PHLDB1: variants seen among roughly 807,000 people sequenced by gnomAD.
PHLDB1 encodes pleckstrin homology-like domain family B member 1.
In PHLDB1, 65 loss-of-function variants were observed where a neutral mutation model predicts 139.3. The observed-to-expected ratio is 0.47, with a 90% CI of 0.38 to 0.57. The LOEUF is 0.57. PHLDB1 is among the 20% of genes least tolerant of loss of function. The probability of loss-of-function intolerance (pLI) is 0.00; values close to 1 mark genes in which losing one functional copy is unlikely to be tolerated. For missense variants in PHLDB1, 1,624 were observed against 1,839.7 expected, an observed-to-expected ratio of 0.88 and a Z score of 2.14; for synonymous variants, 679 against 734.5, an observed-to-expected ratio of 0.92 and a Z score of 1.22.
At position 118,645,690 on chromosome 11, in the gene PHLDB1, C is replaced by T. The variant is rs557245450; in HGVS notation, c.3416+40C>T. On this transcript the variant is annotated intron_variant, in intron 16 of 22. Coordinates refer to ENST00000600882, the MANE Select transcript of PHLDB1 (RefSeq NM_001144758.3). This position sits in a 1 kb window ranked among gnomAD's most constrained non-coding sequence, Gnocchi z 5.1. ...TGGGCCCGCAGCCTCCCTCAGCCACCGCCTCAGCTCCTTGATGCACTTCCT... is the reference window on the plus strand; with the variant it reads ...TGGGCCCGCAGCCTCCCTCAGCCACTGCCTCAGCTCCTTGATGCACTTCCT... 72 of 1,612,044 alleles carry T rather than the reference C, an allele frequency of 4.5e-5. No homozygotes were observed. In the South Asian group the frequency reaches 4.9e-4, roughly 11 times the overall value.
Position 118,639,182 on chromosome 11 carries a change from G to T in PHLDB1, c.2667G>T (p.Val889=), listed in dbSNP as rs782053532. 1 of 1,614,024 alleles carries T rather than the reference G, an allele frequency of 6.2e-7. No homozygotes were observed. Among genetic ancestry groups the T allele is most frequent in the Non-Finnish European group, 8.5e-7 (1 of 1,180,002 alleles). The change falls in exon 12 of 23, where the codon GTG becomes GTT. Residue 889 remains valine, a synonymous_variant. Coordinates refer to ENST00000600882, the MANE Select transcript of PHLDB1 (RefSeq NM_001144758.3). The part of the protein sequence containing the change: ...LLQKEKEKLT[V]LERRYHSLTG... ...CGCAGGAGAAGGAGAAGCTGACTGT[G>T]CTGGAAAGGAGATACCACTCACTCA...
rs188564484 is a variant in PHLDB1, at chr11:118,649,707, C to T, written c.3655-370C>T. 6.6e-5 allele frequency among the ~76,000 whole-genome samples: 10 copies of T among 152,128 alleles called. No homozygotes were observed. The East Asian group carries it at 7.7e-4, about 12-fold the overall frequency. On this transcript the variant is annotated intron_variant, in intron 18 of 22. Transcript: ENST00000600882. Reference sequence around the variant, plus strand: ...GATGTGACCCAAACAAGGTCCCATGCGAAGTCAGAAACTAGATTTCTTATT... The same window carrying T: ...GATGTGACCCAAACAAGGTCCCATGTGAAGTCAGAAACTAGATTTCTTATT...
rs11216929 is a variant in PHLDB1, at chr11:118,608,648, C to A, written c.-22+949C>A. On this transcript the variant is annotated intron_variant, in intron 1 of 22. Transcript: ENST00000600882. This position sits in a 1 kb window ranked among gnomAD's most constrained non-coding sequence, Gnocchi z 6.7. ...TCGGGCGGCGGGCTCACCCCCCAGC[C>A]GTCAAACGCAAACGCAGGCGCCCCA... 3.7e-4 allele frequency among the ~76,000 whole-genome samples: 57 copies of A among 152,272 alleles called. No homozygotes were observed. The highest frequency in any genetic ancestry group is 7.1e-4 in the Non-Finnish European group (48 of 67,990).
rs2509316 is a variant in PHLDB1, at chr11:118,632,992, T to A, written c.2379+696T>A. On this transcript the variant is annotated intron_variant, in intron 9 of 22. Coordinates refer to ENST00000600882, the MANE Select transcript of PHLDB1 (RefSeq NM_001144758.3). The surrounding 1 kb of genome is among the most constrained non-coding windows in gnomAD (Gnocchi z 5.9). ...GAGAATCTTAAAAATTCTTTGACCC[T>A]TTTTTTTTTTTTTTGGAGCTTTGGC... 2.5e-5 allele frequency: 1 copy of A among 39,376 alleles called. No individual in the cohort carries two copies. The highest frequency in any genetic ancestry group is 5.4e-5 in the Non-Finnish European group (1 of 18,682). The allele number at this position is 39,376 out of a possible 1,614,324, so 2.4% of individuals were successfully genotyped here. A position where few individuals can be genotyped will look rare whatever the true frequency, so the allele number is the denominator to read the frequency against.
At chr11:118,607,083 G>A (rs1278532222), upstream of PHLDB1, among the ~76,000 whole-genome samples, 1 of 152,018 alleles carries the variant, frequency 6.6e-6, no homozygotes, top group Non-Finnish European at 1.5e-5. Flanking sequence ...GAGGTGACAG[G>A]GAGAAGACCT....
At chr11:118,630,379 C>G (rs1226744918) in intron 6 of PHLDB1, among the ~76,000 whole-genome samples, 2 of 152,208 alleles carry the variant, frequency 1.3e-5, no homozygotes, top group African/African-American at 4.8e-5. Context: ...GGAGTACTCA[C>G]TCATGGGCCT....
intron 10 of PHLDB1, chr11:118,636,773 A>G (rs1945725682): frequency 6.6e-6 from 1 of 152,146 alleles, no homozygotes; most frequent in Admixed American, 6.6e-5. Context: ...GCACTTCTCT[A>G]GCCTCTTCCT....
At chr11:118,643,445 G>T in intron 13 of PHLDB1, 2 of 917,886 alleles carry the variant, frequency 2.2e-6, no homozygotes, top group South Asian at 1.0e-4. Flanking sequence ...TGTGGCCCAA[G>T]GTCACACAGC....
At chr11:118,628,750 C>A in intron 6 of PHLDB1, 100 bp downstream of exon 6, 1 of 1,183,588 alleles carries the variant, frequency 8.4e-7, no homozygotes, top group Non-Finnish European at 1.2e-6. Context: ...TCAAACAGGG[C>A]TTCGGCTTCT....
intron 22 of PHLDB1, 122 bp downstream of exon 22, chr11:118,656,014 C>T: frequency 1.3e-6 from 1 of 768,160 alleles, no homozygotes; most frequent in Non-Finnish European, 2.3e-6. Flanking sequence ...GAGCAGAAAG[C>T]AGGTTGCAAA....
Position 118,643,953 on chromosome 11 carries a change from T to C in PHLDB1, c.3018+13T>C. Reference sequence around the variant, plus strand: ...CCCCTCCCCAAAGGTCTGAGGACAGTGGGTGGGGCTGCACATGTGGCTGGG... The same window carrying C: ...CCCCTCCCCAAAGGTCTGAGGACAGCGGGTGGGGCTGCACATGTGGCTGGG... On this transcript the variant is annotated intron_variant, in intron 14 of 22. Coordinates refer to ENST00000600882, the MANE Select transcript of PHLDB1 (RefSeq NM_001144758.3). 4 of 1,590,818 alleles carry C rather than the reference T, an allele frequency of 2.5e-6. No individual in the cohort carries two copies. The highest frequency in any genetic ancestry group is 3.4e-6 in the Non-Finnish European group (4 of 1,168,310).
chr11:118,608,998 ACACACGCAGCCCCAGCTCT>A lies in PHLDB1; in HGVS notation c.-22+1305_-22+1323del, dbSNP rs1378992777. On this transcript the variant is annotated intron_variant, in intron 1 of 22. Transcript: ENST00000600882. This position sits in a 1 kb window ranked among gnomAD's most constrained non-coding sequence, Gnocchi z 6.7. ...CCAGCTCACACACGAAGCCCAGCTCACACACGCAGCCCCAGCTCTCACACACACACCCCAGTCAAACACG... is the reference window on the plus strand; with the variant it reads ...CCAGCTCACACACGAAGCCCAGCTCACACACACACACCCCAGTCAAACACG... 2.0e-5 allele frequency among the ~76,000 whole-genome samples: 3 copies of A among 149,488 alleles called. No individual in the cohort carries two copies. Among genetic ancestry groups the A allele is most frequent in the African/African-American group, 7.5e-5 (3 of 40,160 alleles).
At chr11:118,630,032 T>TG in intron 6 of PHLDB1, 2 of 1,045,444 alleles carry the variant, frequency 1.9e-6, no homozygotes, top group Non-Finnish European at 2.5e-6. Context: ...GTTCCGGTTT[T>TG]TTTTTTTTTT....
intron 10 of PHLDB1, among the ~76,000 whole-genome samples, chr11:118,638,583 G>A (rs1457993277): frequency 2.6e-5 from 4 of 152,148 alleles, no homozygotes; most frequent in Non-Finnish European, 4.4e-5. Flanking sequence ...TTGGGACAGG[G>A]AGAATGAGGC....
intron 12 of PHLDB1, 38 bp from the exon 13 acceptor site, chr11:118,642,216 C>G (rs782192448): frequency 6.3e-7 from 1 of 1,597,156 alleles, no homozygotes; most frequent in Admixed American, 1.7e-5. Context: ...CCATCCTCCC[C>G]TCCTGTCCCC....
chr11:118,652,571 T>C (rs1374195729), intron 20 of PHLDB1: 1 of 152,234 alleles, frequency 6.6e-6, no homozygotes, highest in African/African-American at 2.4e-5. Flanking sequence ...GGAAACACTA[T>C]TTTTATGCCA....
Position 118,643,518 on chromosome 11 carries a change from CCTGA to C in PHLDB1, c.2878-276_2878-273del, listed in dbSNP as rs1346742220. 6.1e-6 allele frequency: 6 copies of C among 985,290 alleles called. No homozygotes were observed. The Admixed American group carries it at 3.7e-4, about 61-fold the overall frequency. 61.0% of individuals were successfully genotyped at this position (985,290 alleles called of 1,614,324 possible). A position where few individuals can be genotyped will look rare whatever the true frequency, so the allele number is the denominator to read the frequency against. On this transcript the variant is annotated intron_variant, in intron 13 of 22. Coordinates refer to ENST00000600882, the MANE Select transcript of PHLDB1 (RefSeq NM_001144758.3). ...TTCTAGTTGGTCTCCTGCACAACTG[CCTGA>C]CTGACATTAAATCCTTGCATGGGTC... is the stretch of plus-strand genomic sequence containing the variant.
chr11:118,635,571 C>T (rs1945510799), intron 10 of PHLDB1, 23 bp downstream of exon 10: 1 of 1,489,322 alleles, frequency 6.7e-7, no homozygotes, highest in Non-Finnish European at 8.9e-7. Flanking sequence ...TCGTTCCCTG[C>T]TGCGTGCTGT....
chr11:118,655,967 C>G lies in PHLDB1; in HGVS notation c.3993+75C>G. 2.9e-6 allele frequency: 3 copies of G among 1,042,614 alleles called. No homozygotes were observed. In the South Asian group the frequency reaches 3.9e-5, roughly 13 times the overall value. 64.6% of individuals were successfully genotyped at this position (1,042,614 alleles called of 1,614,324 possible). On this transcript the variant is annotated intron_variant, in intron 22 of 22. Transcript: ENST00000600882. ...CCACTCATCCCTGACCCTTGACCTC[C>G]CCTTCATCCCCCTCCCTTCCCCCAG...
Sources: gnomAD v4.1 joint callset for allele counts (sites outside exome capture counted in the v4.1 genomes callset) on GRCh38, gnomAD v4.1.1 for gene constraint, Gnocchi (gnomAD v3.1) non-coding constraint, MANE v1.5 for transcripts, NCBI Gene and HGNC (gene_info 2026-07-23, HGNC 2026-07-21) for gene names.